Variants in COL4A3 observed in about 807,000 individuals in gnomAD.
The protein encoded by COL4A3 is collagen alpha-3(IV) chain.
In COL4A3, 135 loss-of-function variants were observed where a neutral mutation model predicts 217.4. That is an observed-to-expected ratio of 0.62 (90% CI 0.54 to 0.72). The LOEUF is 0.72. COL4A3 is among the 30% of genes least tolerant of loss of function. COL4A3 has a pLI of 0.00. For missense variants in COL4A3, 1,868 were observed against 2,119.9 expected (o/e 0.88, Z 2.33); for synonymous variants, 690 against 736.3 (o/e 0.94, Z 1.02).
rs6738664 is a variant in COL4A3 at position 227,212,413 on chromosome 2, C to T, written c.88-25555C>T. Among the ~76,000 whole-genome samples, 1,466 of 152,272 alleles carry T rather than the reference C, an allele frequency of 9.6e-3. 21 individuals are homozygous for T. The highest frequency in any genetic ancestry group is 0.033 in the African/African-American group (1,385 of 41,542). ...TAAAGGTTTTAAAATTTTGGCTTTT[C>T]CATTTGAGTCCTTAGTTCATTTGGC... On this transcript the variant is annotated intron_variant, in intron 1 of 51. Transcript: ENST00000396578.
chr2:227,296,283 G>A (rs1164386559), intron 41 of COL4A3: 2 of 152,844 alleles, frequency 1.3e-5, no homozygotes, highest in African/African-American at 4.8e-5. Flanking sequence ...GTTCCACAGT[G>A]TAGCTTTAGA....
intron 2 of COL4A3, among the ~76,000 whole-genome samples, chr2:227,239,074 A>G (rs1050249196): frequency 2.6e-5 from 4 of 152,180 alleles, no homozygotes; most frequent in African/African-American, 9.7e-5. Flanking sequence ...TTGTGTAACT[A>G]AATTGACCCA....
chr2:227,171,515 CGTT>C (rs138203216), intron 1 of COL4A3, among the ~76,000 whole-genome samples: 7,525 of 152,128 alleles, frequency 0.049, 231 homozygotes, highest in Admixed American at 0.086. Context: ...TCCACATGTG[CGTT>C]GTTTTCTGGA....
At chr2:227,174,571 A>T (rs2065607443) in intron 1 of COL4A3, among the ~76,000 whole-genome samples, 1 of 152,006 alleles carries the variant, frequency 6.6e-6, no homozygotes, top group Non-Finnish European at 1.5e-5. Context: ...CAGTGGCGCA[A>T]TCTCGGCTCA....
intron 1 of COL4A3, among the ~76,000 whole-genome samples, chr2:227,235,424 T>C (rs62277846): frequency 0.19 from 28,286 of 152,138 alleles, 2,775 homozygotes; most frequent in Middle Eastern, 0.27. Flanking sequence ...GACTATAGAA[T>C]TTCCTTCTCA....
intron 1 of COL4A3, among the ~76,000 whole-genome samples, chr2:227,179,854 G>A (rs2065813517): frequency 6.6e-6 from 1 of 152,138 alleles, no homozygotes; most frequent in South Asian, 2.1e-4. Context: ...GGTAAATATG[G>A]AAAAGCAAAC....
chr2:227,240,178 T>TG lies in COL4A3; in HGVS notation c.182dup (p.Gln62ProfsTer8). On this transcript the variant is annotated frameshift_variant, in exon 3 of 52. Transcript: ENST00000396578. LOFTEE classifies it high-confidence loss of function. ...GCTTTCCTGGACCCCCCGGTTCTCC[T>TG]GGCCAGAAAGGATTCACAGGTCCTG... The TG allele has an allele frequency of 6.2e-7, 1 of 1,611,968 alleles. No individual in the cohort carries two copies. Among genetic ancestry groups the TG allele is most frequent in the African/African-American group, 1.3e-5 (1 of 75,020 alleles).
chr2:227,298,759 G>A lies in COL4A3; in HGVS notation c.3829G>A (p.Gly1277Ser), dbSNP rs190598500. ...AGACAAAGGGTCTATGGGCCACCCTGGCCCAAAAGGTCCACCTGGAACTGC... is the reference window on the plus strand; with the variant it reads ...AGACAAAGGGTCTATGGGCCACCCTAGCCCAAAAGGTCCACCTGGAACTGC... ...KGDKGSMGHP[G>S]PKGPPGTAGD... The change falls in exon 43 of 52, where the codon GGC becomes AGC. Residue 1277 changes from glycine (G) to serine (S), a missense_variant. This residue lies in a region of COL4A3 where 1,503 missense variants were observed against 1,786.1 expected (regional missense o/e 0.84). Transcript: ENST00000396578. 3.2e-4 allele frequency: 524 copies of A among 1,614,042 alleles called. 2 individuals are homozygous for A. The highest frequency in any genetic ancestry group is 1.8e-3 in the Middle Eastern group (11 of 6,026).
chr2:227,234,293 C>T (rs2068570831), intron 1 of COL4A3, among the ~76,000 whole-genome samples: 1 of 152,158 alleles, frequency 6.6e-6, no homozygotes, highest in South Asian at 2.1e-4. Flanking sequence ...TGTTTGTCAG[C>T]TCTTCTGAGG....
chr2:227,211,946 T>C (rs10198580), intron 1 of COL4A3, among the ~76,000 whole-genome samples: 11,611 of 152,190 alleles, frequency 0.076, 655 homozygotes, highest in African/African-American at 0.15. Flanking sequence ...GGATTATAGG[T>C]GTGAGCCACC....
Position 227,289,960 on chromosome 2 carries a change from G to C in COL4A3, c.2981-39G>C, listed in dbSNP as rs2072581345. ...ATTTATTAAACACATACTATGTCCA[G>C]GAACTGTGCAGGGCAATAACTACTT... On this transcript the variant is annotated intron_variant, in intron 35 of 51. Transcript: ENST00000396578. 3.8e-6 allele frequency: 6 copies of C among 1,581,158 alleles called. No individual in the cohort carries two copies. In the East Asian group the frequency reaches 1.3e-4, roughly 35 times the overall value.
rs2073445964 is a variant in COL4A3, at chr2:227,305,041, C to T, written c.4210C>T (p.Pro1404Ser). Residue 1404 changes from proline to serine, a missense_variant, in exon 47 of 52, where the codon CCA becomes TCA. Transcript: ENST00000396578. ...GGATGGAAAACCAGGAACTCCTGGA[C>T]CAGCTGGAGAAAAAGGCAACAAAGG... ...GKDGKPGTPG[P>S]AGEKGNKGSK... 3 of 1,613,902 alleles carry T rather than the reference C, an allele frequency of 1.9e-6. No individual in the cohort carries two copies. The highest frequency in any genetic ancestry group is 2.5e-6 in the Non-Finnish European group (3 of 1,179,894).
intron 1 of COL4A3, among the ~76,000 whole-genome samples, chr2:227,209,810 C>T (rs1043198743): frequency 6.6e-6 from 1 of 152,152 alleles, no homozygotes; most frequent in Non-Finnish European, 1.5e-5. Flanking sequence ...CCATTGCGCT[C>T]CAGCCTGGGC....
chr2:227,191,544 A>G lies in COL4A3; in HGVS notation c.87+26731A>G, dbSNP rs1169934148. Among the ~76,000 whole-genome samples, 2 of 152,188 alleles carry G rather than the reference A, an allele frequency of 1.3e-5. No individual in the cohort carries two copies. On this transcript the variant is annotated intron_variant, in intron 1 of 51. Coordinates refer to ENST00000396578, the MANE Select transcript of COL4A3 (RefSeq NM_000091.5). The surrounding 1 kb of genome is among the most constrained non-coding windows in gnomAD (Gnocchi z 6.8). The stretch of plus-strand genomic sequence containing the variant: ...GCCATTCCCCGCATCAAGGATTCAA[A>G]GAACCTGCCAAGGGGCTGCAATGGG...
chr2:227,252,586 GCACACACACACACACA>G (rs59472907), intron 11 of COL4A3, among the ~76,000 whole-genome samples: 2 of 146,390 alleles, frequency 1.4e-5, no homozygotes, highest in East Asian at 2.0e-4. Context: ...ACACACAAAT[GCACACACACACACACA>G]CACACACACA....
At position 227,195,663 on chromosome 2, in the gene COL4A3, A is replaced by ATGTGTG. The variant is rs1367563699; in HGVS notation, c.87+30851_87+30852insGTGTGT. Among the ~76,000 whole-genome samples, 111 of 79,744 alleles carry ATGTGTG rather than the reference A, an allele frequency of 1.4e-3. 1 individual carries two copies. Among genetic ancestry groups the ATGTGTG allele is most frequent in the South Asian group, 0.01 (23 of 2,226 alleles). 52.3% of individuals were successfully genotyped at this position (79,744 alleles called of 152,430 possible). A position where few individuals can be genotyped will look rare whatever the true frequency, so the allele number is the denominator to read the frequency against. On this transcript the variant is annotated intron_variant, in intron 1 of 51. Coordinates refer to ENST00000396578, the MANE Select transcript of COL4A3 (RefSeq NM_000091.5). ...TTTAGAGTCTATGCCACATATATAT[A>ATGTGTG]TATATGTGTGTGTGTGTGTGTGTGT...
At chr2:227,178,946 AT>A (rs936645664) in intron 1 of COL4A3, among the ~76,000 whole-genome samples, 57 of 152,006 alleles carry the variant, frequency 3.7e-4, no homozygotes, top group African/African-American at 1.3e-3. Context: ...CTTTAAAAAA[AT>A]AAATCATCAT....
rs1444785718 is a variant in COL4A3, at chr2:227,272,990, TCCTGGCTCC to T, written c.1806_1814del (p.Ser606_Gly608del). ...AAGGGGACCAAGGTCCTCCAGGGGA[TCCTGGCTCC>T]CCTGGGTCCCCAGGACCTGCAGGAC... On this transcript the variant is annotated inframe_deletion, in exon 26 of 52. Coordinates refer to ENST00000396578, the MANE Select transcript of COL4A3 (RefSeq NM_000091.5). The T allele has an allele frequency of 1.2e-6, 2 of 1,613,832 alleles. No individual in the cohort carries two copies. The highest frequency in any genetic ancestry group is 1.3e-5 in the African/African-American group (1 of 74,906).
At chr2:227,239,019 C>T (rs2068862056) in intron 2 of COL4A3, among the ~76,000 whole-genome samples, 1 of 152,124 alleles carries the variant, frequency 6.6e-6, no homozygotes, top group Non-Finnish European at 1.5e-5. Context: ...TGCACACACA[C>T]AATGTAAAAT....
Sources: allele counts gnomAD v4.1 joint callset (sites outside exome capture counted in the v4.1 genomes callset), GRCh38; gene constraint gnomAD v4.1.1; regional missense constraint gnomAD v4.1.1; non-coding constraint Gnocchi (gnomAD v3.1); transcripts MANE v1.5; gene names NCBI Gene and HGNC (gene_info 2026-07-23, HGNC 2026-07-21).